CCT7: variants seen among roughly 807,000 people sequenced by gnomAD.
The protein encoded by CCT7 is chaperonin containing TCP1 subunit 7.
CCT7 carries 16 observed loss-of-function variants against 56.6 expected under a neutral mutation model. That is an observed-to-expected ratio of 0.28 (90% CI 0.19 to 0.43). The LOEUF is 0.43. CCT7 is among the 20% of genes least tolerant of loss of function. The pLI, the probability that CCT7 is intolerant of heterozygous loss-of-function variation, is 1.00. For missense variants in CCT7, 519 were observed against 685.6 expected (o/e 0.76, Z 2.71); for synonymous variants, 262 against 254.8 (o/e 1.03, Z -0.27).
At chr2:73,245,295 A>G (rs778384904) in intron 6 of CCT7, among the ~76,000 whole-genome samples, 1 of 152,210 alleles carries the variant, frequency 6.6e-6, no homozygotes, top group Non-Finnish European at 1.5e-5. Context: ...AGTGTTCTGT[A>G]GCTTGCTTTT....
chr2:73,251,525 C>A, intron 11 of CCT7, 93 bp downstream of exon 11: 1 of 1,133,896 alleles, frequency 8.8e-7, no homozygotes, highest in Non-Finnish European at 1.3e-6. Context: ...GCACGCCTGG[C>A]CCAGGAGATA....
chr2:73,243,878 G>A, intron 4 of CCT7, 119 bp from the exon 5 acceptor site: 2 of 850,724 alleles, frequency 2.4e-6, no homozygotes, highest in South Asian at 1.5e-5. Context: ...TTTTTCAGCT[G>A]TAGAGTAGAA....
At chr2:73,247,685 A>G in intron 6 of CCT7, 77 bp from the exon 7 acceptor site, 1 of 1,290,120 alleles carries the variant, frequency 7.8e-7, no homozygotes, top group Non-Finnish European at 1.1e-6. Context: ...ATGGATAAGC[A>G]CTAGCCAGCA....
At chr2:73,245,915 G>T (rs564419244) in intron 6 of CCT7, among the ~76,000 whole-genome samples, 1 of 152,216 alleles carries the variant, frequency 6.6e-6, no homozygotes, top group Non-Finnish European at 1.5e-5. Context: ...TGCTTTAGTA[G>T]CGATTTTTCA....
chr2:73,243,967 A>G (rs967059671), intron 4 of CCT7, 30 bp from the exon 5 acceptor site: 1 of 1,609,998 alleles, frequency 6.2e-7, no homozygotes. Flanking sequence ...CTTTAGCATG[A>G]GAGACTCATT....
chr2:73,251,361 C>T lies in CCT7; in HGVS notation c.1339C>T (p.Arg447Cys), dbSNP rs541718985. ...TGCCAAGGCCTTGGAGATTATCCCACGCCAGCTGTGTGACAATGCTGGCTT... is the reference window on the plus strand; with the variant it reads ...TGCCAAGGCCTTGGAGATTATCCCATGCCAGCTGTGTGACAATGCTGGCTT... ...AYAKALEIIP[R>C]QLCDNAGFDA... Residue 447 changes from arginine (R) to cysteine (C), a missense_variant, in exon 11 of 12, where the codon CGC becomes TGC. Coordinates refer to ENST00000258091, the MANE Select transcript of CCT7 (RefSeq NM_006429.4). 10 of 1,614,148 alleles carry T rather than the reference C, an allele frequency of 6.2e-6. No individual in the cohort carries two copies. Among genetic ancestry groups the T allele is most frequent in the African/African-American group, 1.3e-5 (1 of 75,050 alleles).
intron 1 of CCT7, chr2:73,235,713 C>T (rs189528668): frequency 2.1e-4 from 49 of 229,982 alleles, no homozygotes; most frequent in Non-Finnish European, 1.4e-4. Flanking sequence ...TTCTGGTTCT[C>T]AGTTTGTCAG....
In CCT7 at chr2:73,245,167, A is replaced by G. The variant is rs141064185; in HGVS notation, c.618+452A>G. Among the ~76,000 whole-genome samples the G allele has an allele frequency of 2.1e-3, 316 of 152,306 alleles. 10 individuals are homozygous for G. The East Asian group carries it at 0.052, about 25-fold the overall frequency. ...GCCTAAAGTTAAAAGTGTTTCATGC[A>G]CTACCCCTGCCCCATATACAGCCAC... On this transcript the variant is annotated intron_variant, in intron 6 of 11. Transcript: ENST00000258091.
At chr2:73,235,582 T>C in intron 1 of CCT7, 2 of 1,001,720 alleles carry the variant, frequency 2.0e-6, no homozygotes, top group South Asian at 9.4e-5. Flanking sequence ...CTTCATCTTC[T>C]GTGCAGAGGC....
At chr2:73,242,384 A>G (rs1051435497) in intron 3 of CCT7, among the ~76,000 whole-genome samples, 13 of 152,052 alleles carry the variant, frequency 8.5e-5, no homozygotes, top group African/African-American at 2.9e-4. Context: ...GGTTCAAGCA[A>G]TTCTCCTGCC....
intron 1 of CCT7, among the ~76,000 whole-genome samples, chr2:73,237,988 C>G (rs1218343712): frequency 1.3e-5 from 2 of 152,170 alleles, no homozygotes; most frequent in East Asian, 3.8e-4. Flanking sequence ...CACCACTGCA[C>G]TCCAGCATGG....
Position 73,250,453 on chromosome 2 carries a change from T to G in CCT7, c.1203+15T>G. 6.2e-7 allele frequency: 1 copy of G among 1,613,302 alleles called. No individual in the cohort carries two copies. On this transcript the variant is annotated intron_variant, in intron 10 of 11. Transcript: ENST00000258091. ...GGGCCATCAAGGTACTGGGCTGATATCCTCCTGCTTGCACAGCCTACTCTC... is the reference window on the plus strand; with the variant it reads ...GGGCCATCAAGGTACTGGGCTGATAGCCTCCTGCTTGCACAGCCTACTCTC...
At chr2:73,243,951 G>T (rs770450268) in intron 4 of CCT7, 46 bp from the exon 5 acceptor site, 4 of 1,585,808 alleles carry the variant, frequency 2.5e-6, no homozygotes, top group African/African-American at 2.7e-5. Context: ...CACTTCAGCA[G>T]TTTGTCTTTA....
Position 73,252,652 on chromosome 2 carries a change from T to C in CCT7, c.1423T>C (p.Tyr475His). Residue 475 changes from tyrosine (Y) to histidine (H), a missense_variant, in exon 12 of 12, where the codon TAT becomes CAT. Around this residue, in one of 3 missense-constraint regions of CCT7, gnomAD observed 237 missense variants for 300.8 expected, o/e 0.79. Coordinates refer to ENST00000258091, the MANE Select transcript of CCT7 (RefSeq NM_006429.4). ...RARHAQGGTW[Y>H]GVDINNEDIA... ...CCTACTCTTTTAGGGGGGTACATGG[T>C]ATGGAGTAGACATCAACAACGAGGA... The C allele has an allele frequency of 6.2e-7, 1 of 1,613,642 alleles. No homozygotes were observed. Among genetic ancestry groups the C allele is most frequent in the South Asian group, 1.1e-5 (1 of 91,060 alleles).
intron 1 of CCT7, chr2:73,239,014 G>C (rs1298197946): frequency 6.6e-6 from 1 of 152,270 alleles, no homozygotes; most frequent in Non-Finnish European, 1.5e-5. Flanking sequence ...TATTCAGCCA[G>C]CATGAGAGAT....
At chr2:73,246,486 T>C (rs188469529) in intron 6 of CCT7, among the ~76,000 whole-genome samples, 202 of 152,350 alleles carry the variant, frequency 1.3e-3, no homozygotes, top group African/African-American at 4.7e-3. Context: ...TTGCCACCCC[T>C]CTTCCAGTCT....
intron 3 of CCT7, among the ~76,000 whole-genome samples, chr2:73,242,545 G>T (rs1687161851): frequency 6.6e-6 from 1 of 152,186 alleles, no homozygotes; most frequent in South Asian, 2.1e-4. Context: ...CTCCCAAAGT[G>T]CTGAGATTAC....
Position 73,244,000 on chromosome 2 carries a change from G to T in CCT7, c.397G>T (p.Val133Phe), listed in dbSNP as rs1267971985. 1.2e-6 allele frequency: 2 copies of T among 1,612,136 alleles called. No individual in the cohort carries two copies. The highest frequency in any genetic ancestry group is 1.7e-6 in the Non-Finnish European group (2 of 1,179,030). Residue 133 changes from valine (V) to phenylalanine (F), a missense_variant, in exon 5 of 12, where the codon GTT becomes TTT. Coordinates refer to ENST00000258091, the MANE Select transcript of CCT7 (RefSeq NM_006429.4). ...ATTCAACTTCTGTTCTTGGCAGGCA[G>T]TTAACAAGATCAAAGAGATTGCTGT... ...RAFRTATQLA[V>F]NKIKEIAVTV...
chr2:73,245,639 C>T (rs1433926528), intron 6 of CCT7, among the ~76,000 whole-genome samples: 1 of 152,154 alleles, frequency 6.6e-6, no homozygotes, highest in African/African-American at 2.4e-5. Context: ...CAGTCTCTGG[C>T]CTGCTTTACT....
Sources: gnomAD v4.1 joint callset for allele counts (sites outside exome capture counted in the v4.1 genomes callset) on GRCh38, gnomAD v4.1.1 for gene constraint, gnomAD v4.1.1 regional missense constraint, MANE v1.5 for transcripts, NCBI Gene and HGNC (gene_info 2026-07-23, HGNC 2026-07-21) for gene names.